HMGCLL1: variants seen among roughly 807,000 people sequenced by gnomAD.
HMGCLL1 encodes the protein 3-hydroxymethyl-3-methylglutaryl-CoA lyase, cytoplasmic.
HMGCLL1 carries 36 observed loss-of-function variants against 39.1 expected under a neutral mutation model. The ratio of observed to expected loss-of-function variants is 0.92; its 90% CI spans 0.71 to 1.22. HMGCLL1 has a LOEUF of 1.22. Among genes scored for constraint, HMGCLL1 ranks in the 50% most tolerant of loss-of-function variants. HMGCLL1 has a pLI of 0.00. For synonymous variants in HMGCLL1, 149 were observed against 144.0 expected (o/e 1.03, Z -0.25); for missense variants, 451 against 416.5 (o/e 1.08, Z -0.72).
intron 3 of HMGCLL1, among the ~76,000 whole-genome samples, chr6:55,519,249 T>C (rs184341998): frequency 1.7e-4 from 26 of 152,118 alleles, no homozygotes; most frequent in African/African-American, 4.6e-4. Flanking sequence ...ATAGTCTAGA[T>C]AGGAGAGGCC....
chr6:55,562,413 A>AAC (rs796500155), intron 1 of HMGCLL1, among the ~76,000 whole-genome samples: 1 of 152,116 alleles, frequency 6.6e-6, no homozygotes, highest in South Asian at 2.1e-4. Flanking sequence ...TACTGAAAGA[A>AAC]ACACACACAC....
intron 3 of HMGCLL1, among the ~76,000 whole-genome samples, chr6:55,533,202 T>C (rs561152983): frequency 6.6e-6 from 1 of 151,786 alleles, no homozygotes; most frequent in Non-Finnish European, 1.5e-5. Flanking sequence ...ATAGAGTGTC[T>C]AGGATAGTAT....
chr6:55,577,098 T>C (rs773478552), intron 1 of HMGCLL1: 3 of 1,613,454 alleles, frequency 1.9e-6, no homozygotes, highest in East Asian at 4.5e-5. Context: ...CAAGCCACCG[T>C]GCCTGCCAAG....
At chr6:55,566,726 A>G in intron 1 of HMGCLL1, 1 of 443,364 alleles carries the variant, frequency 2.3e-6, no homozygotes, top group South Asian at 1.6e-5. Context: ...TTGGAATCTA[A>G]TTTCTCTGAT....
rs1471233386 is a variant in HMGCLL1, at chr6:55,552,685, T to C, written c.109-10545A>G. ...CTACTGAGTGGACATTTAATGTGTGTAGGACCCTGTGCTAGAATTTGGTCA... is the reference window on the plus strand; with the variant it reads ...CTACTGAGTGGACATTTAATGTGTGCAGGACCCTGTGCTAGAATTTGGTCA... On this transcript the variant is annotated intron_variant, in intron 1 of 8. Transcript: ENST00000274901. Among the ~76,000 whole-genome samples, 2 of 151,962 alleles carry C rather than the reference T, an allele frequency of 1.3e-5. 1 individual carries two copies. The highest frequency in any genetic ancestry group is 4.9e-5 in the African/African-American group (2 of 41,228).
At chr6:55,627,428 T>C in the HMGCLL1 span, among the ~76,000 whole-genome samples, 1 of 152,030 alleles carries the variant, frequency 6.6e-6, no homozygotes, top group Non-Finnish European at 1.5e-5. Context: ...TATAACCTCA[T>C]TATTGTCTTC....
intron 3 of HMGCLL1, among the ~76,000 whole-genome samples, chr6:55,528,708 C>A (rs1468220842): frequency 1.3e-5 from 2 of 151,456 alleles, no homozygotes; most frequent in Non-Finnish European, 2.9e-5. Flanking sequence ...ACCATATTCA[C>A]AAAACTTCTT....
At chr6:55,635,137 G>A in the HMGCLL1 span, among the ~76,000 whole-genome samples, 2 of 151,818 alleles carry the variant, frequency 1.3e-5, no homozygotes, top group African/African-American at 4.8e-5. Flanking sequence ...ATTCTCAAGA[G>A]CTCTGAGTAA....
the HMGCLL1 span, among the ~76,000 whole-genome samples, chr6:55,592,744 A>G: frequency 6.6e-6 from 1 of 152,180 alleles, no homozygotes; most frequent in South Asian, 2.1e-4. Context: ...GCATTTTTCA[A>G]GTGCAGTTCT....
the HMGCLL1 span, among the ~76,000 whole-genome samples, chr6:55,673,446 T>C: frequency 6.6e-6 from 1 of 151,918 alleles, no homozygotes; most frequent in East Asian, 1.9e-4. Context: ...ACTATTTACA[T>C]AAAGATAACT....
rs1462982010 is a variant in HMGCLL1 at position 55,495,522 on chromosome 6, C to T, written c.692G>A (p.Arg231Lys). The T allele has an allele frequency of 6.2e-7, 1 of 1,613,790 alleles. No homozygotes were observed. Among genetic ancestry groups the T allele is most frequent in the Non-Finnish European group, 8.5e-7 (1 of 1,179,854 alleles). ...TTCTTTCATCACACTTTCCAACATT[C>T]TTTTCATACTTCCTGGAGTTCCCAC... Reference protein sequence around the residue: ...IGVGTPGSMKRMLESVMKEIP... With the variant: ...IGVGTPGSMKKMLESVMKEIP... Residue 231 changes from arginine to lysine, a missense_variant, in exon 7 of 9, where the codon AGA (arginine) becomes AAA (lysine). By Grantham distance (26) the Arg-to-Lys change is conservative. Transcript: ENST00000274901.
At chr6:55,560,107 G>T (rs1770872879) in intron 1 of HMGCLL1, among the ~76,000 whole-genome samples, 1 of 152,146 alleles carries the variant, frequency 6.6e-6, no homozygotes. Flanking sequence ...TTCACAAGAA[G>T]AGTAAAACAA....
chr6:55,451,747 A>G (rs1329395420), intron 7 of HMGCLL1, among the ~76,000 whole-genome samples: 1 of 152,202 alleles, frequency 6.6e-6, no homozygotes, highest in Non-Finnish European at 1.5e-5. Context: ...TTGTGAAAAT[A>G]CAACTAAATG....
chr6:55,479,829 T>C (rs1765641410), intron 7 of HMGCLL1, among the ~76,000 whole-genome samples: 1 of 151,674 alleles, frequency 6.6e-6, no homozygotes, highest in Non-Finnish European at 1.5e-5. Flanking sequence ...TAAAGTCCAA[T>C]ACCCACTAAT....
the HMGCLL1 span, among the ~76,000 whole-genome samples, chr6:55,603,488 C>T: frequency 5.9e-5 from 9 of 151,748 alleles, no homozygotes; most frequent in African/African-American, 2.2e-4. Context: ...ACAGTTTTGC[C>T]ACCTCTTCTG....
intron 1 of HMGCLL1, among the ~76,000 whole-genome samples, chr6:55,565,673 A>G (rs947652122): frequency 9.9e-5 from 15 of 152,082 alleles, no homozygotes; most frequent in African/African-American, 2.7e-4. Flanking sequence ...AGAGATGAGT[A>G]TTTATGCAAG....
chr6:55,524,810 T>C (rs1331193530), intron 3 of HMGCLL1, among the ~76,000 whole-genome samples: 4 of 151,824 alleles, frequency 2.6e-5, no homozygotes, highest in African/African-American at 9.7e-5. Context: ...GTGTTTGTGA[T>C]GAGGGACCTT....
chr6:55,549,347 T>C (rs1012128315), intron 1 of HMGCLL1, among the ~76,000 whole-genome samples: 1 of 150,380 alleles, frequency 6.6e-6, no homozygotes, highest in South Asian at 2.1e-4. Context: ...ACTACGAAAA[T>C]TGTTTTTGCC....
chr6:55,541,387 T>C (rs374456423), intron 3 of HMGCLL1, among the ~76,000 whole-genome samples: 1 of 152,310 alleles, frequency 6.6e-6, no homozygotes, highest in East Asian at 1.9e-4. Flanking sequence ...ATCATTTGCC[T>C]CTAACAGACA....
Sources: gnomAD v4.1 joint callset for allele counts (sites outside exome capture counted in the v4.1 genomes callset) on GRCh38, gnomAD v4.1.1 for gene constraint, MANE v1.5 for transcripts, NCBI Gene and HGNC (gene_info 2026-07-23, HGNC 2026-07-21) for gene names.